The following ZNF624 variants were observed in gnomAD, a reference collection of about 807,000 sequenced individuals.
The protein encoded by ZNF624 is zinc finger protein 624.
In ZNF624, 43 loss-of-function variants were observed where a neutral mutation model predicts 74.7. That is an observed-to-expected ratio of 0.58 (90% confidence interval 0.45 to 0.74). ZNF624 has a LOEUF of 0.74. ZNF624 is among the 30% of genes least tolerant of loss of function. The probability of loss-of-function intolerance (pLI) is 0.00; values close to 1 mark genes in which losing one functional copy is unlikely to be tolerated. For missense variants in ZNF624, 820 were observed against 1,030.0 expected (o/e 0.80, Z 2.79); for synonymous variants, 331 against 341.3 (o/e 0.97, Z 0.33).
At chr17:16,641,159 A>T (rs924361811) in intron 3 of ZNF624, among the ~76,000 whole-genome samples, 2 of 152,242 alleles carry the variant, frequency 1.3e-5, no homozygotes, top group Non-Finnish European at 2.9e-5. Context: ...CATCAACCTG[A>T]TAAAGACTCT....
At chr17:16,634,581 C>A in intron 4 of ZNF624, 49 bp downstream of exon 4, 2 of 1,574,238 alleles carry the variant, frequency 1.3e-6, no homozygotes, top group Non-Finnish European at 1.7e-6. Flanking sequence ...CTTTGGCAAA[C>A]CTGGTCAAAT....
At position 16,623,387 on chromosome 17, in the gene ZNF624, T is replaced by C. The variant is rs935385987; in HGVS notation, c.1499A>G (p.Tyr500Cys). 2 of 1,613,896 alleles carry C rather than the reference T, an allele frequency of 1.2e-6. No homozygotes were observed. The highest frequency in any genetic ancestry group is 1.3e-5 in the African/African-American group (1 of 74,924). ...TGCTTTCCCACATTCATTACATTCA[T>C]AGGGTTTTTCCCCAGTGTGAGTTCT... ...HIRTHTGEKP[Y>C]ECNECGKAFN... The change falls in exon 6 of 6, where the codon TAT becomes TGT. Residue 500 changes from tyrosine to cysteine, a missense_variant. Tyr to Cys is a radical substitution (Grantham distance 194). Transcript: ENST00000311331. The surrounding 1 kb of genome is among the most constrained non-coding windows in gnomAD (Gnocchi z 5.3).
At chr17:16,645,915 G>A (rs1294501647) in intron 3 of ZNF624, among the ~76,000 whole-genome samples, 1 of 133,796 alleles carries the variant, frequency 7.5e-6, no homozygotes, top group Non-Finnish European at 1.5e-5. Context: ...TTGTGCCACT[G>A]TGCCTGGGTG....
intron 3 of ZNF624, among the ~76,000 whole-genome samples, chr17:16,637,876 T>C (rs1909371450): frequency 6.6e-6 from 1 of 151,974 alleles, no homozygotes; most frequent in Non-Finnish European, 1.5e-5. Context: ...TGGGATCTAA[T>C]TCAACTAAAG....
At chr17:16,643,675 C>T (rs1909519116) in intron 3 of ZNF624, among the ~76,000 whole-genome samples, 1 of 151,936 alleles carries the variant, frequency 6.6e-6, no homozygotes, top group Non-Finnish European at 1.5e-5. Flanking sequence ...ATATTAATTA[C>T]ATCTTAGTAA....
In ZNF624 at chr17:16,622,430, G is replaced by C; in HGVS notation, c.2456C>G (p.Thr819Ser). ...KCEECGKAFR[T>S]NSDFTVHLRM... ...CAAGTGTACAGTAAAGTCTGAGTTAGTTCTGAAGGCTTTTCCACATTCTTC... is the reference window on the plus strand; with the variant it reads ...CAAGTGTACAGTAAAGTCTGAGTTACTTCTGAAGGCTTTTCCACATTCTTC... Residue 819 changes from threonine (T) to serine (S), a missense_variant, in exon 6 of 6, where the codon ACT (threonine) becomes AGT (serine). Coordinates refer to ENST00000311331, the MANE Select transcript of ZNF624 (RefSeq NM_020787.4). The C allele has an allele frequency of 6.2e-7, 1 of 1,613,830 alleles. No individual in the cohort carries two copies. Among genetic ancestry groups the C allele is most frequent in the Non-Finnish European group, 8.5e-7 (1 of 1,179,882 alleles).
At chr17:16,620,728 C>T (rs780395746), downstream of ZNF624, 1 of 151,962 alleles carries the variant, frequency 6.6e-6, no homozygotes, top group Non-Finnish European at 1.5e-5. Context: ...AAATAAAACG[C>T]ACAACGAAAA....
At chr17:16,647,945 T>C in intron 2 of ZNF624, among the ~76,000 whole-genome samples, 1 of 151,700 alleles carries the variant, frequency 6.6e-6, no homozygotes. Context: ...ATTTTTTATT[T>C]TTTTTGAGAC....
At chr17:16,615,048 G>T in the ZNF624 span, among the ~76,000 whole-genome samples, 1 of 152,136 alleles carries the variant, frequency 6.6e-6, no homozygotes, top group African/African-American at 2.4e-5. Context: ...CAGGGTTTAG[G>T]GGGTGAAGTG....
intron 5 of ZNF624, among the ~76,000 whole-genome samples, chr17:16,629,133 G>T (rs1909144585): frequency 6.7e-6 from 1 of 148,646 alleles, no homozygotes; most frequent in South Asian, 2.1e-4. Context: ...AGGAGGCAGA[G>T]GTTGCAGTGA....
At chr17:16,617,501 C>T (rs572145539), downstream of ZNF624, 2 of 1,598,552 alleles carry the variant, frequency 1.3e-6, no homozygotes, top group Non-Finnish European at 1.7e-6. Context: ...CGCATAAAAT[C>T]CTTTAAATCT....
chr17:16,625,105 A>G lies in ZNF624; in HGVS notation c.377-596T>C, dbSNP rs565539616. 9.0e-4 allele frequency among the ~76,000 whole-genome samples: 137 copies of G among 151,734 alleles called. 1 individual carries two copies. Among genetic ancestry groups the G allele is most frequent in the African/African-American group, 3.2e-3 (133 of 41,400 alleles). On this transcript the variant is annotated intron_variant, in intron 5 of 5. Transcript: ENST00000311331. ...AGATGGTATTCTTCAACTTTTGACA[A>G]TCTCAAAAACTGTCATACTTCCTTG...
chr17:16,648,923 C>G (rs1473321961), intron 2 of ZNF624, among the ~76,000 whole-genome samples: 1 of 152,212 alleles, frequency 6.6e-6, no homozygotes, highest in Non-Finnish European at 1.5e-5. Context: ...CCTGAACTAT[C>G]TTCATAAATA....
rs1419153029 is a variant in ZNF624 at position 16,649,709 on chromosome 17, C to T, written c.36G>A (p.Gly12=). ...SLQDSTLSRE[G]KPEGEIMAAV... ...CAGCCATAATCTCTCCCTCTGGTTT[C>T]CCCTCTCTGGAAAGAGTGGAGTCTT... is the stretch of plus-strand genomic sequence containing the variant. Residue 12 remains glycine, a synonymous_variant, in exon 2 of 6, where the codon GGG becomes GGA. Coordinates refer to ENST00000311331, the MANE Select transcript of ZNF624 (RefSeq NM_020787.4). 3 of 1,614,032 alleles carry T rather than the reference C, an allele frequency of 1.9e-6. No homozygotes were observed. Among genetic ancestry groups the T allele is most frequent in the African/African-American group, 2.7e-5 (2 of 75,046 alleles).
At chr17:16,627,395 T>C (rs1362808573) in intron 5 of ZNF624, among the ~76,000 whole-genome samples, 1 of 152,192 alleles carries the variant, frequency 6.6e-6, no homozygotes, top group Non-Finnish European at 1.5e-5. Context: ...GGTCTGCACT[T>C]TGGGGATGTC....
In ZNF624 at chr17:16,623,106, T is replaced by C. The variant is rs749919492; in HGVS notation, c.1780A>G (p.Arg594Gly). 1.9e-6 allele frequency: 3 copies of C among 1,614,084 alleles called. No individual in the cohort carries two copies. Among genetic ancestry groups the C allele is most frequent in the African/African-American group, 2.7e-5 (2 of 75,056 alleles). Residue 594 changes from arginine to glycine, a missense_variant, in exon 6 of 6, where the codon AGA (arginine) becomes GGA (glycine). Transcript: ENST00000311331. This position sits in a 1 kb window ranked among gnomAD's most constrained non-coding sequence, Gnocchi z 5.3. ...TGTACAGTTAAGTGTGATTTTATTCTGAAAGACTCCCCACATTCATTGCAC... is the reference window on the plus strand; with the variant it reads ...TGTACAGTTAAGTGTGATTTTATTCCGAAAGACTCCCCACATTCATTGCAC... The part of the protein sequence containing the change: ...YLCNECGESF[R>G]IKSHLTVHQR...
chr17:16,623,417 T>G lies in ZNF624; in HGVS notation c.1469A>C (p.His490Pro), dbSNP rs1908978294. Residue 490 changes from histidine to proline, a missense_variant, in exon 6 of 6, where the codon CAT (histidine) becomes CCT (proline). Transcript: ENST00000311331. This position sits in a 1 kb window ranked among gnomAD's most constrained non-coding sequence, Gnocchi z 5.3. ...TTTTTCCCCAGTGTGAGTTCTTATATGTACGATAAGGCTTGAATTACTTCT... is the reference window on the plus strand; with the variant it reads ...TTTTTCCCCAGTGTGAGTTCTTATAGGTACGATAAGGCTTGAATTACTTCT... ...AYRSNSSLIV[H>P]IRTHTGEKPY... 3 of 1,614,108 alleles carry G rather than the reference T, an allele frequency of 1.9e-6. No homozygotes were observed. The highest frequency in any genetic ancestry group is 2.5e-6 in the Non-Finnish European group (3 of 1,179,990).
In ZNF624 at chr17:16,634,526, C is replaced by T. The variant is rs1181815597; in HGVS notation, c.280+104G>A. ...GGAATAGCATAACCCAACAATGTGC[C>T]CCTAAAATCAAGTACTTCAGTTAAG... On this transcript the variant is annotated intron_variant, in intron 4 of 5. Transcript: ENST00000311331. 4.0e-6 allele frequency: 5 copies of T among 1,254,296 alleles called. No homozygotes were observed. The South Asian group carries it at 4.8e-5, about 12-fold the overall frequency. The allele number at this position is 1,254,296 out of a possible 1,614,324, so 77.7% of individuals were successfully genotyped here. A position where few individuals can be genotyped will look rare whatever the true frequency, so the allele number is the denominator to read the frequency against.
intron 5 of ZNF624, among the ~76,000 whole-genome samples, chr17:16,625,173 ACTTT>A (rs1414788229): frequency 1.3e-5 from 2 of 151,758 alleles, no homozygotes; most frequent in African/African-American, 4.8e-5. Flanking sequence ...CCCCAATCAC[ACTTT>A]CTATTTGTTT....
Sources: allele counts gnomAD v4.1 joint callset (sites outside exome capture counted in the v4.1 genomes callset), GRCh38; gene constraint gnomAD v4.1.1; non-coding constraint Gnocchi (gnomAD v3.1); transcripts MANE v1.5; gene names NCBI Gene and HGNC (gene_info 2026-07-23, HGNC 2026-07-21).